TOMM20: variants seen among roughly 807,000 people sequenced by gnomAD.
TOMM20 encodes the protein mitochondrial import receptor subunit TOM20 homolog.
Under a neutral mutation model 22.1 loss-of-function variants are expected in TOMM20, and 10 were observed. The ratio of observed to expected loss-of-function variants is 0.45; its 90% confidence interval spans 0.28 to 0.77. TOMM20 has a LOEUF of 0.77. Among genes scored for constraint, TOMM20 ranks in the 30% least tolerant of loss-of-function variants. TOMM20 has a pLI of 0.13. For missense variants in TOMM20, 121 were observed against 172.2 expected, an observed-to-expected ratio of 0.70 and a Z score of 1.66; for synonymous variants, 55 against 61.4, an observed-to-expected ratio of 0.90 and a Z score of 0.49.
In TOMM20 at chr1:235,111,712, CTT is replaced by C. The variant is rs141261852; in HGVS notation, c.*350_*351del. On this transcript the variant is annotated 3_prime_UTR_variant, in exon 5 of 5. Transcript: ENST00000366607. Reference sequence around the variant, plus strand: ...TGTACATTCTTCAGTTTCTCCTATACTTTTTTTTTTTTGCCTATCTTTCAAAA... The same window carrying C: ...TGTACATTCTTCAGTTTCTCCTATACTTTTTTTTTTGCCTATCTTTCAAAA... The C allele has an allele frequency of 4.4e-4, 72 of 161,804 alleles. No homozygotes were observed. The highest frequency in any genetic ancestry group is 6.5e-4 in the Non-Finnish European group (50 of 76,928). 10.0% of individuals were successfully genotyped at this position (161,804 alleles called of 1,614,324 possible). A position where few individuals can be genotyped will look rare whatever the true frequency, so the allele number is the denominator to read the frequency against.
chr1:235,120,860 A>C (rs1572129986), intron 2 of TOMM20, among the ~76,000 whole-genome samples: 1 of 85,852 alleles, frequency 1.2e-5, no homozygotes. Flanking sequence ...ACAGGGTGAG[A>C]CCCTGTCTCA....
At chr1:235,117,452 G>A (rs1243361156) in intron 3 of TOMM20, among the ~76,000 whole-genome samples, 2 of 141,060 alleles carry the variant, frequency 1.4e-5, no homozygotes, top group African/African-American at 2.7e-5. Flanking sequence ...GGGTGACAGA[G>A]TAAAACTCCA....
intron 2 of TOMM20, among the ~76,000 whole-genome samples, chr1:235,120,877 A>AAAAG (rs1028232230): frequency 3.3e-5 from 5 of 150,668 alleles, no homozygotes; most frequent in Non-Finnish European, 7.4e-5. Flanking sequence ...CTCAAAAAAA[A>AAAAG]AAAAAAAAGA....
intron 1 of TOMM20, among the ~76,000 whole-genome samples, chr1:235,125,743 T>C (rs1332622517): frequency 2.0e-5 from 2 of 99,148 alleles, no homozygotes; most frequent in East Asian, 2.1e-4. Context: ...GCAACTGCAC[T>C]TTTTTTTTTT....
At chr1:235,120,162 T>C (rs943868286) in intron 2 of TOMM20, among the ~76,000 whole-genome samples, 1 of 152,248 alleles carries the variant, frequency 6.6e-6, no homozygotes, top group Non-Finnish European at 1.5e-5. Context: ...GCAAAATCTA[T>C]ACCGTCTACG....
chr1:235,111,529 A>G lies in TOMM20; in HGVS notation c.*535T>C, dbSNP rs1244716000. ...AGACTGCTACACAGAAAGGGAAGGA[A>G]GCTGTTAACCCAGCACAGCAGCACA... is the stretch of plus-strand genomic sequence containing the variant. On this transcript the variant is annotated 3_prime_UTR_variant, in exon 5 of 5. Transcript: ENST00000366607. 2 of 155,290 alleles carry G rather than the reference A, an allele frequency of 1.3e-5. No homozygotes were observed. The highest frequency in any genetic ancestry group is 1.3e-4 in the Admixed American group (2 of 15,320). 9.6% of individuals were successfully genotyped at this position (155,290 alleles called of 1,614,324 possible). A position where few individuals can be genotyped will look rare whatever the true frequency, so the allele number is the denominator to read the frequency against.
intron 2 of TOMM20, among the ~76,000 whole-genome samples, chr1:235,121,514 C>T: frequency 6.6e-6 from 1 of 152,188 alleles, no homozygotes; most frequent in East Asian, 1.9e-4. Flanking sequence ...AGTTTCCTCC[C>T]ATTTTCACTT....
At chr1:235,125,990 T>A (rs939509654) in intron 1 of TOMM20, among the ~76,000 whole-genome samples, 37 of 151,696 alleles carry the variant, frequency 2.4e-4, no homozygotes, top group Non-Finnish European at 4.0e-4. Flanking sequence ...TCTCCTGACC[T>A]CATGATCTTC....
At chr1:235,118,744 C>A (rs552670121) in intron 3 of TOMM20, among the ~76,000 whole-genome samples, 1 of 152,202 alleles carries the variant, frequency 6.6e-6, no homozygotes, top group East Asian at 1.9e-4. Context: ...ATGCTGGTCT[C>A]GAACTCCTGG....
intron 1 of TOMM20, chr1:235,127,814 G>A (rs748954232): frequency 1.9e-6 from 1 of 518,106 alleles, no homozygotes; most frequent in Admixed American, 1.9e-5. Flanking sequence ...GATGTCGCAG[G>A]TATGAAATAA....
intron 1 of TOMM20, among the ~76,000 whole-genome samples, chr1:235,124,153 C>T (rs1174870348): frequency 2.0e-5 from 3 of 152,218 alleles, no homozygotes; most frequent in East Asian, 1.9e-4. Flanking sequence ...TCAAGACCAG[C>T]CTGGTTGATA....
At chr1:235,117,112 G>A (rs1422459570) in intron 3 of TOMM20, among the ~76,000 whole-genome samples, 1 of 128,354 alleles carries the variant, frequency 7.8e-6, no homozygotes, top group African/African-American at 3.0e-5. Context: ...TCCAGCCTGG[G>A]CGACAGAGCG....
At chr1:235,117,079 G>A (rs1660845646) in intron 3 of TOMM20, among the ~76,000 whole-genome samples, 1 of 133,656 alleles carries the variant, frequency 7.5e-6, no homozygotes, top group Non-Finnish European at 1.5e-5. Context: ...AGCTTGCAGT[G>A]AGCGGAGATC....
At chr1:235,123,732 A>G (rs563735956) in intron 1 of TOMM20, among the ~76,000 whole-genome samples, 1 of 152,376 alleles carries the variant, frequency 6.6e-6, no homozygotes, top group East Asian at 1.9e-4. Flanking sequence ...ACCTTACTTA[A>G]GTGTTCATCA....
intron 1 of TOMM20, among the ~76,000 whole-genome samples, chr1:235,125,503 C>T (rs1398838670): frequency 2.0e-5 from 3 of 152,120 alleles, no homozygotes; most frequent in African/African-American, 7.2e-5. Flanking sequence ...GCCTGAGCCA[C>T]CACGCCCGGC....
At position 235,113,804 on chromosome 1, in the gene TOMM20, G is replaced by T; in HGVS notation, c.357C>A (p.Phe119Leu). The T allele has an allele frequency of 1.2e-6, 2 of 1,613,288 alleles. No homozygotes were observed. Among genetic ancestry groups the T allele is most frequent in the Non-Finnish European group, 1.7e-6 (2 of 1,179,942 alleles). ...VLQQTLPPPV[F>L]QMLLTKLPTI... ...TTGGGAGCTTAGTCAGAAGCATCTG[G>T]AACACTGGTGGTGGAAGAGTTTGCT... Residue 119 changes from phenylalanine (F) to leucine (L), a missense_variant, in exon 4 of 5, where the codon TTC (phenylalanine) becomes TTA (leucine). Physicochemically the swap from Phe to Leu is conservative, Grantham distance 22 (BLOSUM62 0). Coordinates refer to ENST00000366607, the MANE Select transcript of TOMM20 (RefSeq NM_014765.3).
chr1:235,122,698 A>T (rs1458157927), intron 1 of TOMM20, among the ~76,000 whole-genome samples: 2 of 152,254 alleles, frequency 1.3e-5, no homozygotes, highest in African/African-American at 2.4e-5. Context: ...AAGGATATGT[A>T]ACAGGGGCAA....
At chr1:235,119,242 G>C (rs1660887172) in intron 3 of TOMM20, 1 of 152,094 alleles carries the variant, frequency 6.6e-6, no homozygotes. Context: ...AAACTTCTTA[G>C]CACTGTTGAT....
At chr1:235,116,944 G>A (rs369263758) in intron 3 of TOMM20, among the ~76,000 whole-genome samples, 5 of 150,730 alleles carry the variant, frequency 3.3e-5, no homozygotes, top group Non-Finnish European at 5.9e-5. Context: ...GACCATCCTG[G>A]CTAACATGGT....
Sources: gnomAD v4.1 joint callset for allele counts (sites outside exome capture counted in the v4.1 genomes callset) on GRCh38, gnomAD v4.1.1 for gene constraint, MANE v1.5 for transcripts, NCBI Gene and HGNC (gene_info 2026-07-23, HGNC 2026-07-21) for gene names.